The following ADGRG1 variants were observed in gnomAD, a reference collection of about 807,000 sequenced individuals.
The protein encoded by ADGRG1 is 7-transmembrane protein with no EGF-like N-terminal domains-1.
A neutral mutation model predicts 73.5 loss-of-function variants in ADGRG1; 53 were observed. The observed-to-expected ratio is 0.72, with a 90% confidence interval of 0.58 to 0.91. The LOEUF (loss-of-function observed/expected upper bound fraction) is 0.91. ADGRG1 is among the 40% of genes least tolerant of loss of function. The pLI, the probability that ADGRG1 is intolerant of heterozygous loss-of-function variation, is 0.00. For missense variants in ADGRG1, 795 were observed against 871.8 expected (o/e 0.91, Z 1.11); for synonymous variants, 394 against 374.4 (o/e 1.05, Z -0.60).
intron 1 of ADGRG1, chr16:57,629,052 G>GTGAGTA (rs1250524255): frequency 3.8e-6 from 2 of 524,248 alleles, no homozygotes; most frequent in African/African-American, 2.2e-5. Context: ...GTGAGTGTGT[G>GTGAGTA]TGAGTATGAG....
intron 1 of ADGRG1, 190 bp from the exon 2 acceptor site, chr16:57,650,063 T>G (rs1277929805): frequency 1.1e-6 from 1 of 911,168 alleles, no homozygotes; most frequent in Non-Finnish European, 1.3e-6. Context: ...CAGACATAAG[T>G]CACCACGCCT....
intron 10 of ADGRG1, 126 bp from the exon 11 acceptor site, chr16:57,659,287 G>T: frequency 6.4e-7 from 1 of 1,564,774 alleles, no homozygotes. Context: ...TAGGATAGGG[G>T]CCATGTATGA....
intron 6 of ADGRG1, 137 bp downstream of exon 6, chr16:57,655,667 G>C: frequency 6.3e-7 from 1 of 1,585,098 alleles, no homozygotes; most frequent in Non-Finnish European, 8.6e-7. Context: ...GCACTGCAAT[G>C]TGCAAATCTC....
At chr16:57,622,015 C>T (rs956487339) in intron 2 of ADGRG1, 6 of 249,798 alleles carry the variant, frequency 2.4e-5, no homozygotes, top group East Asian at 1.8e-4. Flanking sequence ...CCCAGCTCCT[C>T]GTGAGGCTCA....
At chr16:57,644,234 A>G (rs1327468054) in intron 1 of ADGRG1, 5 of 963,878 alleles carry the variant, frequency 5.2e-6, no homozygotes, top group Non-Finnish European at 6.2e-6. Context: ...TCATGCACAC[A>G]CACTCATGCA....
chr16:57,626,882 C>T (rs1203675958), upstream of ADGRG1: 1 of 983,074 alleles, frequency 1.0e-6, no homozygotes, highest in East Asian at 1.1e-4. Context: ...CCCTAGATAA[C>T]TCACTTGTCC....
upstream of ADGRG1, chr16:57,627,949 A>G: frequency 1.5e-5 from 15 of 978,576 alleles, no homozygotes; most frequent in Middle Eastern, 5.2e-4. Context: ...CCTTTGGCTC[A>G]GCAGATGGAT....
intron 2 of ADGRG1, among the ~76,000 whole-genome samples, chr16:57,650,718 T>TTG (rs1425427477): frequency 6.7e-6 from 1 of 149,412 alleles, no homozygotes; most frequent in Non-Finnish European, 1.5e-5. Context: ...TCTTTTTTTT[T>TTG]TTTTTTTTGA....
intron 1 of ADGRG1, 67 bp downstream of exon 1, chr16:57,628,869 TGAGCGTGAGTGTGTGA>T (rs2036503816): frequency 2.0e-6 from 2 of 977,714 alleles, no homozygotes; most frequent in Admixed American, 6.2e-5. Flanking sequence ...TGTGAGTGTG[TGAGCGTGAGTGTGTGA>T]GAGTGTGAGT....
rs1239599574 is a variant in ADGRG1 at position 57,653,351 on chromosome 16, G to T, written c.620+16G>T. 2 of 1,605,330 alleles carry T rather than the reference G, an allele frequency of 1.2e-6. No homozygotes were observed. The highest frequency in any genetic ancestry group is 1.3e-5 in the African/African-American group (1 of 74,934). On this transcript the variant is annotated intron_variant, in intron 4 of 13. Coordinates refer to ENST00000562631, the MANE Select transcript of ADGRG1 (RefSeq NM_201525.4). The stretch of plus-strand genomic sequence containing the variant: ...CCGCCAGCCAGTAAGTTTGGCACCT[G>T]GGGCTGTGAGGGGAGGCAGGAAGGC...
chr16:57,645,265 C>A lies in ADGRG1; in HGVS notation c.-35-4988C>A, dbSNP rs1007176340. 57 of 985,406 alleles carry A rather than the reference C, an allele frequency of 5.8e-5. No homozygotes were observed. In the Middle Eastern group the frequency reaches 2.1e-3, roughly 36 times the overall value. 61.0% of individuals were successfully genotyped at this position (985,406 alleles called of 1,614,324 possible). On this transcript the variant is annotated intron_variant, in intron 1 of 13. Coordinates refer to ENST00000562631, the MANE Select transcript of ADGRG1 (RefSeq NM_201525.4). ...GGGTCTTCCCCTCTGCCTCTCCCAG[C>A]GAGGGCCCATTTAAGGGGAAGGCCT... is the stretch of plus-strand genomic sequence containing the variant.
intron 1 of ADGRG1, chr16:57,635,257 G>A (rs1228038447): frequency 1.0e-6 from 1 of 985,246 alleles, no homozygotes; most frequent in Non-Finnish European, 1.2e-6. Flanking sequence ...CTCGTGCACA[G>A]CTTCCTCAAA....
intron 11 of ADGRG1, chr16:57,660,157 G>T (rs1287900900): frequency 1.6e-6 from 1 of 642,606 alleles, no homozygotes; most frequent in Non-Finnish European, 1.9e-6. Flanking sequence ...TCTTATGTCA[G>T]ACCTACAGCC....
At chr16:57,636,757 G>T in intron 1 of ADGRG1, 1 of 938,114 alleles carries the variant, frequency 1.1e-6, no homozygotes, top group Non-Finnish European at 1.3e-6. Flanking sequence ...GATCTTCTAT[G>T]GACCAGGCAC....
At chr16:57,630,865 G>A (rs922869685) in intron 1 of ADGRG1, 2 of 762,682 alleles carry the variant, frequency 2.6e-6, no homozygotes, top group Non-Finnish European at 3.2e-6. Context: ...AAACATTTGG[G>A]GAACGATACA....
intron 1 of ADGRG1, chr16:57,644,987 C>A: frequency 1.2e-6 from 1 of 801,952 alleles, no homozygotes; most frequent in Non-Finnish European, 1.5e-6. Flanking sequence ...CACCCCCATG[C>A]ACACACACAT....
At chr16:57,641,498 C>CCCCA in intron 1 of ADGRG1, 3 of 985,300 alleles carry the variant, frequency 3.0e-6, no homozygotes, top group Non-Finnish European at 3.6e-6. Context: ...AGGCTGGTGT[C>CCCCA]CCCAGTGCCT....
intron 1 of ADGRG1, among the ~76,000 whole-genome samples, chr16:57,648,175 G>A (rs553681913): frequency 5.3e-5 from 8 of 152,286 alleles, no homozygotes; most frequent in Admixed American, 2.6e-4. Flanking sequence ...CTTGGAGGAA[G>A]TGGCATTTGA....
At chr16:57,651,153 G>T (rs1393196846) in intron 2 of ADGRG1, 47 bp from the exon 3 acceptor site, 5 of 1,611,772 alleles carry the variant, frequency 3.1e-6, no homozygotes, top group Non-Finnish European at 3.4e-6. Context: ...CCATGCCTCT[G>T]GTCAGCCCCT....
Sources: gnomAD v4.1 joint callset for allele counts (sites outside exome capture counted in the v4.1 genomes callset) on GRCh38, gnomAD v4.1.1 for gene constraint, MANE v1.5 for transcripts, NCBI Gene and HGNC (gene_info 2026-07-23, HGNC 2026-07-21) for gene names.